The following EPAS1 variants were observed in gnomAD, a reference collection of about 807,000 sequenced individuals.
EPAS1 encodes endothelial PAS domain protein 1, also known as endothelial PAS domain-containing protein 1.
Under a neutral mutation model 87.9 loss-of-function variants are expected in EPAS1, and 23 were observed. The ratio of observed to expected loss-of-function variants is 0.26; its 90% CI spans 0.19 to 0.37. The LOEUF is 0.37. EPAS1 is among the 10% of genes least tolerant of loss of function. EPAS1 has a pLI of 1.00. For synonymous variants in EPAS1, 508 were observed against 444.3 expected (o/e 1.14, Z -1.80); for missense variants, 1,138 against 1,120.7 (o/e 1.02, Z -0.22).
intron 1 of EPAS1, among the ~76,000 whole-genome samples, chr2:46,306,237 T>C (rs11894252): frequency 0.52 from 78,383 of 151,996 alleles, 21,345 homozygotes; most frequent in Middle Eastern, 0.64. Context: ...ACATTTCACT[T>C]TTGATAAAAA....
chr2:46,361,960 C>T (rs1684398650), intron 6 of EPAS1, among the ~76,000 whole-genome samples: 2 of 152,168 alleles, frequency 1.3e-5, no homozygotes, highest in Admixed American at 6.5e-5. Context: ...ATGGGGAGAA[C>T]AGATGCCCGG....
At position 46,381,721 on chromosome 2, in the gene EPAS1, G is replaced by A. The variant is rs200723248; in HGVS notation, c.2171G>A (p.Gly724Glu). 1.3e-4 allele frequency: 206 copies of A among 1,613,682 alleles called. 1 individual carries two copies. Among genetic ancestry groups the A allele is most frequent in the Middle Eastern group, 1.6e-4 (1 of 6,080 alleles). Residue 724 changes from glycine to glutamate, a missense_variant and splice_region_variant, in exon 13 of 16, where the codon GGG (glycine) becomes GAG (glutamate). Physicochemically the swap from Gly to Glu is moderately conservative, Grantham distance 98. Around this residue, in one of 4 missense-constraint regions of EPAS1, gnomAD observed 502 missense variants for 427.1 expected, o/e 1.18. Coordinates refer to ENST00000263734, the MANE Select transcript of EPAS1 (RefSeq NM_001430.5). Reference protein sequence around the residue: ...YEEQAFQDLSGGDPPGGSTSH... With the variant: ...YEEQAFQDLSEGDPPGGSTSH... ...GAGCAAGCCTTCCAGGACCTGAGCG[G>A]GGTGAGTCATCCCCACTGGCCACAG...
chr2:46,299,335 C>T (rs1052867637), intron 1 of EPAS1, among the ~76,000 whole-genome samples: 1 of 152,204 alleles, frequency 6.6e-6, no homozygotes, highest in Non-Finnish European at 1.5e-5. Context: ...CTTTCCTGGC[C>T]GTAGTCCCCC....
intron 1 of EPAS1, among the ~76,000 whole-genome samples, chr2:46,333,804 T>C (rs1317131716): frequency 2.0e-5 from 3 of 151,554 alleles, no homozygotes; most frequent in Non-Finnish European, 4.4e-5. Context: ...GCTGGCGAGC[T>C]GTTCCTTGCC....
rs537816655 is a variant in EPAS1 at position 46,364,832 on chromosome 2, G to A, written c.779+3742G>A. On this transcript the variant is annotated intron_variant, in intron 6 of 15. Coordinates refer to ENST00000263734, the MANE Select transcript of EPAS1 (RefSeq NM_001430.5). ...CCCGAAATACTGAGCAACCAGTTACGAACTGTCATTTACTGTGCATCTGCT... is the reference window on the plus strand; with the variant it reads ...CCCGAAATACTGAGCAACCAGTTACAAACTGTCATTTACTGTGCATCTGCT... Among the ~76,000 whole-genome samples the A allele has an allele frequency of 2.2e-4, 34 of 152,238 alleles. No homozygotes were observed. The South Asian group carries it at 4.2e-3, about 19-fold the overall frequency.
chr2:46,360,797 G>C lies in EPAS1; in HGVS notation c.573+41G>C, dbSNP rs1447214969. 1.9e-6 allele frequency: 3 copies of C among 1,612,838 alleles called. No individual in the cohort carries two copies. The highest frequency in any genetic ancestry group is 2.2e-5 in the South Asian group (2 of 91,042). ...GCCTGGGTTGGAGTCCCAGGTGTAG[G>C]GTAACGGCGGTGCAGGGGATGCCTA... On this transcript the variant is annotated intron_variant, in intron 5 of 15. Transcript: ENST00000263734. The surrounding 1 kb of genome is among the most constrained non-coding windows in gnomAD (Gnocchi z 4.5).
chr2:46,333,251 C>T (rs763392727), intron 1 of EPAS1, among the ~76,000 whole-genome samples: 3 of 152,152 alleles, frequency 2.0e-5, no homozygotes, highest in Non-Finnish European at 4.4e-5. Flanking sequence ...GCTCACCATA[C>T]CATAACTGAA....
chr2:46,360,488 C>T lies in EPAS1; in HGVS notation c.455-150C>T. The T allele has an allele frequency of 1.4e-6, 1 of 738,674 alleles. No homozygotes were observed. 45.8% of individuals were successfully genotyped at this position (738,674 alleles called of 1,614,324 possible). A position where few individuals can be genotyped will look rare whatever the true frequency, so the allele number is the denominator to read the frequency against. On this transcript the variant is annotated intron_variant, in intron 4 of 15. Transcript: ENST00000263734. This position sits in a 1 kb window ranked among gnomAD's most constrained non-coding sequence, Gnocchi z 4.5. The stretch of plus-strand genomic sequence containing the variant: ...TTAGTTCACAGGCCATGATGGAGCT[C>T]AGTGTTGATGGCAGACCACAGGTGC...
intron 6 of EPAS1, 122 bp downstream of exon 6, chr2:46,361,212 C>T (rs953676888): frequency 1.6e-5 from 17 of 1,093,940 alleles, no homozygotes; most frequent in African/African-American, 1.1e-4. Context: ...GGTGCATGTT[C>T]GTGGACCTGT....
At chr2:46,343,234 G>T (rs527536776) in intron 1 of EPAS1, among the ~76,000 whole-genome samples, 3 of 152,288 alleles carry the variant, frequency 2.0e-5, no homozygotes, top group African/African-American at 7.2e-5. Context: ...CTGGTTCTTA[G>T]TCCTACTCTT....
Position 46,347,276 on chromosome 2 carries a change from C to A in EPAS1, c.217+213C>A. 7.8e-6 allele frequency: 5 copies of A among 639,332 alleles called. No individual in the cohort carries two copies. The South Asian group carries it at 9.1e-5, about 12-fold the overall frequency. The allele number at this position is 639,332 out of a possible 1,614,324, so 39.6% of individuals were successfully genotyped here. A position where few individuals can be genotyped will look rare whatever the true frequency, so the allele number is the denominator to read the frequency against. ...CGTGAATCCAGCTGTGAGAGGAGGGCAGGGACAGGACCAGGGAAGAACATG... is the reference window on the plus strand; with the variant it reads ...CGTGAATCCAGCTGTGAGAGGAGGGAAGGGACAGGACCAGGGAAGAACATG... On this transcript the variant is annotated intron_variant, in intron 2 of 15. Transcript: ENST00000263734. The surrounding 1 kb of genome is among the most constrained non-coding windows in gnomAD (Gnocchi z 4.2).
chr2:46,360,858 T>C lies in EPAS1; in HGVS notation c.574-27T>C. ...CCCACCCCCAGCACTCTCGGCTCCA[T>C]GTCTGACCCTTCCACGCCTGTCTCA... On this transcript the variant is annotated intron_variant, in intron 5 of 15. Coordinates refer to ENST00000263734, the MANE Select transcript of EPAS1 (RefSeq NM_001430.5). The surrounding 1 kb of genome is among the most constrained non-coding windows in gnomAD (Gnocchi z 4.5). 1 of 1,614,022 alleles carries C rather than the reference T, an allele frequency of 6.2e-7. No homozygotes were observed. Among genetic ancestry groups the C allele is most frequent in the Non-Finnish European group, 8.5e-7 (1 of 1,179,910 alleles).
At chr2:46,336,461 G>A (rs1243580998) in intron 1 of EPAS1, among the ~76,000 whole-genome samples, 3 of 152,128 alleles carry the variant, frequency 2.0e-5, no homozygotes, top group African/African-American at 7.2e-5. Flanking sequence ...GGCTTGGGCT[G>A]GTCCTAAGGG....
chr2:46,369,754 T>C, intron 6 of EPAS1, 73 bp from the exon 7 acceptor site: 1 of 1,076,330 alleles, frequency 9.3e-7, no homozygotes. Context: ...CTTCTGGGGT[T>C]AGCTCCTGCC....
chr2:46,381,237 C>A, intron 12 of EPAS1: 1 of 382,222 alleles, frequency 2.6e-6, no homozygotes, highest in Non-Finnish European at 5.0e-6. Context: ...CATGACCTGC[C>A]ACTCCCAGGG....
intron 14 of EPAS1, 120 bp downstream of exon 14, chr2:46,382,209 G>A: frequency 9.1e-7 from 1 of 1,098,790 alleles, no homozygotes; most frequent in East Asian, 2.5e-5. Context: ...AGCCTTGTTA[G>A]AATGGGGCGA....
At chr2:46,298,774 C>T (rs1234265123) in intron 1 of EPAS1, among the ~76,000 whole-genome samples, 1 of 152,218 alleles carries the variant, frequency 6.6e-6, no homozygotes, top group East Asian at 1.9e-4. Flanking sequence ...CGCCCTCTCC[C>T]GGCCGCTCCC....
In EPAS1 at chr2:46,298,941, C is replaced by T. The variant is rs970266134; in HGVS notation, c.26+1004C>T. Among the ~76,000 whole-genome samples, 7 of 152,226 alleles carry T rather than the reference C, an allele frequency of 4.6e-5. No individual in the cohort carries two copies. In the East Asian group the frequency reaches 9.7e-4, roughly 21 times the overall value. ...CCCGTGCGGCCCCAGTGGCCTGGAGCTTCCAGCCCCGCGCTTGGCCGCGGC... is the reference window on the plus strand; with the variant it reads ...CCCGTGCGGCCCCAGTGGCCTGGAGTTTCCAGCCCCGCGCTTGGCCGCGGC... On this transcript the variant is annotated intron_variant, in intron 1 of 15. Transcript: ENST00000263734.
chr2:46,353,895 C>T (rs911664323), intron 2 of EPAS1, among the ~76,000 whole-genome samples: 18 of 152,178 alleles, frequency 1.2e-4, no homozygotes, highest in African/African-American at 3.4e-4. Flanking sequence ...GGAAAGCCAC[C>T]GGGGCATTAC....
Sources: gnomAD v4.1 joint callset for allele counts (sites outside exome capture counted in the v4.1 genomes callset) on GRCh38, gnomAD v4.1.1 for gene constraint, gnomAD v4.1.1 regional missense constraint, Gnocchi (gnomAD v3.1) non-coding constraint, MANE v1.5 for transcripts, NCBI Gene and HGNC (gene_info 2026-07-23, HGNC 2026-07-21) for gene names.